Variants in CRABP1 observed in about 807,000 individuals in gnomAD.
CRABP1 encodes cellular retinoic acid binding protein 1, also known as cellular retinoic acid-binding protein 1.
In CRABP1, 9 loss-of-function variants were observed where a neutral mutation model predicts 16.4. The ratio of observed to expected loss-of-function variants is 0.55; its 90% CI spans 0.33 to 0.96. CRABP1 has a LOEUF of 0.96. Ranked by LOEUF, CRABP1 falls within the 40% of genes least tolerant of loss-of-function variation. The probability of loss-of-function intolerance (pLI) is 0.03; values close to 1 mark genes in which losing one functional copy is unlikely to be tolerated. For synonymous variants in CRABP1, 72 were observed against 70.4 expected, an observed-to-expected ratio of 1.02 and a Z score of -0.11; for missense variants, 157 against 186.0, an observed-to-expected ratio of 0.84 and a Z score of 0.91.
At position 78,340,593 on chromosome 15, in the gene CRABP1, G is replaced by A. The variant is rs1348519141; in HGVS notation, c.70+95G>A. 5.6e-6 allele frequency: 8 copies of A among 1,423,540 alleles called. No individual in the cohort carries two copies. The Admixed American group carries it at 8.8e-5, about 16-fold the overall frequency. The allele number at this position is 1,423,540 out of a possible 1,614,324, so 88.2% of individuals were successfully genotyped here. A position where few individuals can be genotyped will look rare whatever the true frequency, so the allele number is the denominator to read the frequency against. ...CCCGGTCCTGGAGGGGGTGGAAGTT[G>A]GGGAGCCCAGGCAGGAGGGAGTCCC... On this transcript the variant is annotated intron_variant, in intron 1 of 3. Coordinates refer to ENST00000299529, the MANE Select transcript of CRABP1 (RefSeq NM_004378.3).
At chr15:78,340,632 C>G in intron 1 of CRABP1, 134 bp downstream of exon 1, 1 of 975,986 alleles carries the variant, frequency 1.0e-6, no homozygotes, top group South Asian at 1.7e-5. Context: ...GGCAATAGAT[C>G]GCCTTGTCTC....
At chr15:78,347,705 T>C (rs1242128284) in intron 3 of CRABP1, 2 of 465,354 alleles carry the variant, frequency 4.3e-6, no homozygotes, top group Non-Finnish European at 7.5e-6. Context: ...CAAAGGAAAA[T>C]GGTATATAAC....
At position 78,347,943 on chromosome 15, in the gene CRABP1, A is replaced by C; in HGVS notation, c.380A>C (p.Asp127Ala). Residue 127 changes from aspartate to alanine, a missense_variant, in exon 4 of 4, where the codon GAC becomes GCC. Coordinates refer to ENST00000299529, the MANE Select transcript of CRABP1 (RefSeq NM_004378.3). ...TCTCTGCAGACGTTTGGCGCCGATG[A>C]CGTGGTCTGCACCAGAATTTATGTC... ...DELILTFGAD[D>A]VVCTRIYVRE The C allele has an allele frequency of 6.2e-7, 1 of 1,614,108 alleles. No individual in the cohort carries two copies. Among genetic ancestry groups the C allele is most frequent in the Non-Finnish European group, 8.5e-7 (1 of 1,180,028 alleles).
In CRABP1 at chr15:78,348,134, C is replaced by G. The variant is rs576321575; in HGVS notation, c.*157C>G. 2 of 674,936 alleles carry G rather than the reference C, an allele frequency of 3.0e-6. No homozygotes were observed. The highest frequency in any genetic ancestry group is 5.1e-6 in the Non-Finnish European group (2 of 395,870). 41.8% of individuals were successfully genotyped at this position (674,936 alleles called of 1,614,324 possible). On this transcript the variant is annotated 3_prime_UTR_variant, in exon 4 of 4. Coordinates refer to ENST00000299529, the MANE Select transcript of CRABP1 (RefSeq NM_004378.3). Reference sequence around the variant, plus strand: ...TGTTGTAGTGTCCCCCACCCCCACCCCCCAGGCCTTGGTGCCTCTTGTATC... The same window carrying G: ...TGTTGTAGTGTCCCCCACCCCCACCGCCCAGGCCTTGGTGCCTCTTGTATC...
chr15:78,343,230 C>A (rs754786790), intron 2 of CRABP1, among the ~76,000 whole-genome samples: 1 of 152,094 alleles, frequency 6.6e-6, no homozygotes, highest in Non-Finnish European at 1.5e-5. Flanking sequence ...TAAAGCATGC[C>A]TAAGGCCTCG....
At chr15:78,347,781 C>T in intron 3 of CRABP1, 146 bp from the exon 4 acceptor site, 1 of 746,796 alleles carries the variant, frequency 1.3e-6, no homozygotes, top group Non-Finnish European at 2.3e-6. Context: ...TCCCTTAATG[C>T]TTAGCCTGAG....
In CRABP1 at chr15:78,343,621, C is replaced by T. The variant is rs371842619; in HGVS notation, c.363+9C>T. On this transcript the variant is annotated intron_variant, in intron 3 of 3. Transcript: ENST00000299529. The stretch of plus-strand genomic sequence containing the variant: ...ACGATGAACTTATCCTGGTAGGGAA[C>T]CCTTGACCCTGAAATAATCCTGAAG... The T allele has an allele frequency of 1.1e-5, 18 of 1,611,506 alleles. 1 individual carries two copies. Among genetic ancestry groups the T allele is most frequent in the South Asian group, 7.7e-5 (7 of 90,954 alleles).
At chr15:78,340,951 C>G (rs2050229701) in intron 1 of CRABP1, 92 bp from the exon 2 acceptor site, 3 of 1,309,226 alleles carry the variant, frequency 2.3e-6, no homozygotes, top group Middle Eastern at 2.7e-4. Flanking sequence ...TTTTAAGGCC[C>G]CTTTCTAAAG....
chr15:78,346,171 CT>C (rs1397641172), intron 3 of CRABP1, among the ~76,000 whole-genome samples: 3 of 152,192 alleles, frequency 2.0e-5, no homozygotes, highest in African/African-American at 7.2e-5. Context: ...CAATCCATGG[CT>C]GTAGAACTCA....
At position 78,341,104 on chromosome 15, in the gene CRABP1, C is replaced by T. The variant is rs569046312; in HGVS notation, c.132C>T (p.Ile44=). The change falls in exon 2 of 4, where the codon ATC becomes ATT. Residue 44 remains isoleucine, a synonymous_variant. Transcript: ENST00000299529. The surrounding 1 kb of genome is among the most constrained non-coding windows in gnomAD (Gnocchi z 5.3). Reference sequence around the variant, plus strand: ...CTGCGTCCAAGCCGCACGTGGAGATCCGCCAGGACGGGGATCAGTTCTACA... The same window carrying T: ...CTGCGTCCAAGCCGCACGTGGAGATTCGCCAGGACGGGGATCAGTTCTACA... ...VAAASKPHVE[I]RQDGDQFYIK... 6.2e-7 allele frequency: 1 copy of T among 1,612,926 alleles called. No homozygotes were observed. The highest frequency in any genetic ancestry group is 1.3e-5 in the African/African-American group (1 of 75,036).
rs955798109 is a variant in CRABP1, at chr15:78,347,979, G to A, written c.*2G>A. ...ACCAGAATTTATGTCCGAGAGTGAA[G>A]GCAGCTGGCTTGCTCCTACTTTCAG... On this transcript the variant is annotated 3_prime_UTR_variant, in exon 4 of 4. Transcript: ENST00000299529. 1 of 1,614,118 alleles carries A rather than the reference G, an allele frequency of 6.2e-7. No individual in the cohort carries two copies. The highest frequency in any genetic ancestry group is 1.1e-5 in the South Asian group (1 of 91,084).
rs74859752 is a variant in CRABP1 at position 78,346,694 on chromosome 15, T to C, written c.364-1233T>C. Among the ~76,000 whole-genome samples, 1,447 of 152,280 alleles carry C rather than the reference T, an allele frequency of 9.5e-3. 20 individuals carry two copies. Among genetic ancestry groups the C allele is most frequent in the African/African-American group, 0.023 (964 of 41,558 alleles). On this transcript the variant is annotated intron_variant, in intron 3 of 3. Coordinates refer to ENST00000299529, the MANE Select transcript of CRABP1 (RefSeq NM_004378.3). ...AAAGAAAAGAAGCTAGTGATGGGCA[T>C]CTGCTTCCTCAGTCACTAAGGACTT...
chr15:78,347,922 T>G lies in CRABP1; in HGVS notation c.364-5T>G. On this transcript the variant is annotated splice_region_variant and splice_polypyrimidine_tract_variant and intron_variant, in intron 3 of 3. Transcript: ENST00000299529. ...GATTGGTTTTCCTTTTCTTCTTCTC[T>G]GCAGACGTTTGGCGCCGATGACGTG... 1 of 1,614,168 alleles carries G rather than the reference T, an allele frequency of 6.2e-7. No individual in the cohort carries two copies. The highest frequency in any genetic ancestry group is 8.5e-7 in the Non-Finnish European group (1 of 1,180,032).
At chr15:78,343,380 T>C (rs777951838) in intron 2 of CRABP1, 119 bp from the exon 3 acceptor site, 2 of 767,854 alleles carry the variant, frequency 2.6e-6, no homozygotes, top group South Asian at 3.5e-5. Context: ...ATCTGTGGCC[T>C]GCTGACAGGG....
Position 78,341,539 on chromosome 15 carries a change from C to G in CRABP1, c.249+318C>G, listed in dbSNP as rs2050235077. The G allele has an allele frequency of 2.8e-6, 1 of 351,524 alleles. No homozygotes were observed. Among genetic ancestry groups the G allele is most frequent in the South Asian group, 2.5e-5 (1 of 40,524 alleles). 21.8% of individuals were successfully genotyped at this position (351,524 alleles called of 1,614,324 possible). A position where few individuals can be genotyped will look rare whatever the true frequency, so the allele number is the denominator to read the frequency against. ...AGCGGTTTGCAGCGCCAAGCGCAGG[C>G]GGCGCAGGAGGAGGAGGAGGTTGCA... On this transcript the variant is annotated intron_variant, in intron 2 of 3. Transcript: ENST00000299529. The surrounding 1 kb of genome is among the most constrained non-coding windows in gnomAD (Gnocchi z 5.3).
At chr15:78,345,513 G>C (rs1417088803) in intron 3 of CRABP1, among the ~76,000 whole-genome samples, 1 of 152,168 alleles carries the variant, frequency 6.6e-6, no homozygotes, top group Non-Finnish European at 1.5e-5. Context: ...ACAGCAGAGG[G>C]AGATGATTTT....
intron 3 of CRABP1, 139 bp downstream of exon 3, chr15:78,343,751 C>G (rs79346042): frequency 7.9e-6 from 5 of 636,354 alleles, no homozygotes; most frequent in African/African-American, 3.7e-5. Context: ...AGCAGAAAAC[C>G]CGAGATGACA....
rs1197146401 is a variant in CRABP1 at position 78,341,263 on chromosome 15, C to G, written c.249+42C>G. ...ACTACAGCGTCCCCGTGTCCCCGCT[C>G]GGTGCCCATGGCCCACTGCTGCTGG... On this transcript the variant is annotated intron_variant, in intron 2 of 3. Coordinates refer to ENST00000299529, the MANE Select transcript of CRABP1 (RefSeq NM_004378.3). This position sits in a 1 kb window ranked among gnomAD's most constrained non-coding sequence, Gnocchi z 5.3. 7 of 1,577,166 alleles carry G rather than the reference C, an allele frequency of 4.4e-6. No homozygotes were observed. The highest frequency in any genetic ancestry group is 2.3e-5 in the South Asian group (2 of 86,366).
At chr15:78,343,378 C>A in intron 2 of CRABP1, 121 bp from the exon 3 acceptor site, 3 of 752,938 alleles carry the variant, frequency 4.0e-6, no homozygotes, top group Non-Finnish European at 6.6e-6. Context: ...GAATCTGTGG[C>A]CTGCTGACAG....
Sources: allele counts gnomAD v4.1 joint callset (sites outside exome capture counted in the v4.1 genomes callset), GRCh38; gene constraint gnomAD v4.1.1; non-coding constraint Gnocchi (gnomAD v3.1); transcripts MANE v1.5; gene names NCBI Gene and HGNC (gene_info 2026-07-23, HGNC 2026-07-21).